Variants in WWOX observed in about 807,000 individuals in gnomAD.
The protein encoded by WWOX is WW domain-containing oxidoreductase.
Under a neutral mutation model 46.2 loss-of-function variants are expected in WWOX, and 69 were observed. That is an observed-to-expected ratio of 1.49 (90% confidence interval 1.23 to 1.82). The LOEUF (loss-of-function observed/expected upper bound fraction) is 1.82. Ranked by LOEUF, WWOX falls within the 40% of genes most tolerant of loss-of-function variation. The pLI is 0.00. For missense variants in WWOX, 919 were observed against 542.6 expected, an observed-to-expected ratio of 1.69 and a Z score of -6.89; for synonymous variants, 359 against 202.6, an observed-to-expected ratio of 1.77 and a Z score of -6.56.
chr16:78,206,997 A>G (rs1273425949), intron 5 of WWOX, among the ~76,000 whole-genome samples: 1 of 152,206 alleles, frequency 6.6e-6, no homozygotes, highest in Admixed American at 6.5e-5. Flanking sequence ...ATTCCTTGTT[A>G]TCCTCATTTT....
At chr16:78,251,527 A>G (rs768730336) in intron 5 of WWOX, among the ~76,000 whole-genome samples, 26 of 152,230 alleles carry the variant, frequency 1.7e-4, no homozygotes, top group Non-Finnish European at 3.2e-4. Flanking sequence ...CAGCACCAAT[A>G]AATAGATAAG....
At chr16:78,461,386 CAA>C (rs1230738146) in intron 8 of WWOX, among the ~76,000 whole-genome samples, 1 of 151,542 alleles carries the variant, frequency 6.6e-6, no homozygotes, top group African/African-American at 2.4e-5. Flanking sequence ...AACAAACAAA[CAA>C]AAAATAGGAA....
rs1384613465 is a variant in WWOX at position 78,975,744 on chromosome 16, G to A, written c.1057-235864G>A. On this transcript the variant is annotated intron_variant, in intron 8 of 8. Transcript: ENST00000566780. The stretch of plus-strand genomic sequence containing the variant: ...CATAGGCAACACAGAGCCAATTGAG[G>A]CCTTTGGGCAAGCGGAGGTCATGAT... Among the ~76,000 whole-genome samples the A allele has an allele frequency of 2.0e-5, 3 of 152,292 alleles. No individual in the cohort carries two copies. The East Asian group carries it at 5.8e-4, about 30-fold the overall frequency.
chr16:79,088,582 G>T (rs1225790460), intron 8 of WWOX, among the ~76,000 whole-genome samples: 1 of 152,124 alleles, frequency 6.6e-6, no homozygotes, highest in African/African-American at 2.4e-5. Flanking sequence ...GTTTCTTTTT[G>T]AAACTAAAAG....
chr16:78,811,399 C>G (rs544125562), intron 8 of WWOX, among the ~76,000 whole-genome samples: 9 of 152,124 alleles, frequency 5.9e-5, no homozygotes, highest in East Asian at 3.8e-4. Flanking sequence ...TGTACATTTA[C>G]TGTATCTATT....
At chr16:78,510,458 C>G (rs1018974902) in intron 8 of WWOX, among the ~76,000 whole-genome samples, 2 of 152,180 alleles carry the variant, frequency 1.3e-5, no homozygotes, top group African/African-American at 4.8e-5. Context: ...AAGTGATCCA[C>G]CTGCCTCACC....
At chr16:78,868,550 A>G (rs2044056526) in intron 8 of WWOX, among the ~76,000 whole-genome samples, 1 of 152,242 alleles carries the variant, frequency 6.6e-6, no homozygotes, top group African/African-American at 2.4e-5. Flanking sequence ...AAGTCATAAA[A>G]AATGAATTCC....
chr16:78,425,468 A>G (rs1275328815), intron 7 of WWOX, among the ~76,000 whole-genome samples: 1 of 152,210 alleles, frequency 6.6e-6, no homozygotes, highest in Non-Finnish European at 1.5e-5. Flanking sequence ...TATAATGAGA[A>G]ATTAGGGAAT....
chr16:78,544,228 C>G lies in WWOX; in HGVS notation c.1056+111476C>G, dbSNP rs1480099113. ...GAAATAGAGAACTGACACTAATATT[C>G]TCTCTGACTATAATTGTAAAACAGT... is the stretch of plus-strand genomic sequence containing the variant. On this transcript the variant is annotated intron_variant, in intron 8 of 8. Transcript: ENST00000566780. 2.0e-5 allele frequency among the ~76,000 whole-genome samples: 3 copies of G among 152,162 alleles called. No individual in the cohort carries two copies. In the South Asian group the frequency reaches 6.2e-4, roughly 32 times the overall value.
chr16:79,140,568 C>T (rs939164044), intron 8 of WWOX, among the ~76,000 whole-genome samples: 1 of 152,214 alleles, frequency 6.6e-6, no homozygotes, highest in Non-Finnish European at 1.5e-5. Flanking sequence ...TTGCAAACCT[C>T]TCTCAGCATT....
chr16:78,170,643 T>G (rs940552118), intron 5 of WWOX, among the ~76,000 whole-genome samples: 2 of 152,234 alleles, frequency 1.3e-5, no homozygotes, highest in African/African-American at 4.8e-5. Context: ...TGATTAGTAT[T>G]TTCCAGTGTA....
chr16:79,105,654 CTTTTTGTTTTTTTTT>C (rs1477442843), intron 8 of WWOX, among the ~76,000 whole-genome samples: 1 of 149,858 alleles, frequency 6.7e-6, no homozygotes, highest in Non-Finnish European at 1.5e-5. Context: ...CTGTGAATGT[CTTTTTGTTTTTTTTT>C]TTTTTGTTTG....
At chr16:78,530,127 C>G (rs1030536279) in intron 8 of WWOX, among the ~76,000 whole-genome samples, 3 of 152,160 alleles carry the variant, frequency 2.0e-5, no homozygotes, top group Admixed American at 6.5e-5. Flanking sequence ...CTTTTGGGCA[C>G]TGGCAGGAAT....
intron 8 of WWOX, among the ~76,000 whole-genome samples, chr16:78,464,359 G>C (rs1389914148): frequency 6.6e-6 from 1 of 151,822 alleles, no homozygotes; most frequent in Non-Finnish European, 1.5e-5. Flanking sequence ...AGGAGGAAGA[G>C]AGGGAAGGAG....
At chr16:78,863,148 GGGTTTCACCATGTT>G (rs2043928982) in intron 8 of WWOX, among the ~76,000 whole-genome samples, 1 of 151,894 alleles carries the variant, frequency 6.6e-6, no homozygotes, top group East Asian at 1.9e-4. Context: ...AATAGAGATG[GGGTTTCACCATGTT>G]GGCCAGACTG....
intron 5 of WWOX, among the ~76,000 whole-genome samples, chr16:78,224,973 A>T: frequency 6.6e-6 from 1 of 152,148 alleles, no homozygotes; most frequent in East Asian, 1.9e-4. Flanking sequence ...AAGAATTTTT[A>T]TGTGTTCAGG....
intron 8 of WWOX, among the ~76,000 whole-genome samples, chr16:78,798,903 T>G (rs2050813269): frequency 6.6e-6 from 1 of 152,136 alleles, no homozygotes; most frequent in Admixed American, 6.5e-5. Context: ...GGAATTAAAG[T>G]TTGAGACACC....
chr16:78,391,453 C>A (rs1597152013), intron 6 of WWOX, among the ~76,000 whole-genome samples: 1 of 152,188 alleles, frequency 6.6e-6, no homozygotes, highest in African/African-American at 2.4e-5. Context: ...AGAATTTGAA[C>A]CCAAATCTCT....
chr16:78,842,049 G>A (rs2052165544), intron 8 of WWOX, among the ~76,000 whole-genome samples: 1 of 152,132 alleles, frequency 6.6e-6, no homozygotes, highest in South Asian at 2.1e-4. Context: ...CCCTTCAAGG[G>A]GACCAGGAGG....
Sources: gnomAD v4.1 joint callset for allele counts (sites outside exome capture counted in the v4.1 genomes callset) on GRCh38, gnomAD v4.1.1 for gene constraint, MANE v1.5 for transcripts, NCBI Gene and HGNC (gene_info 2026-07-23, HGNC 2026-07-21) for gene names.